The following NAGLU variants were observed in gnomAD, a reference collection of about 807,000 sequenced individuals.
NAGLU encodes the protein N-acetyl-alpha-glucosaminidase, also known as alpha-N-acetylglucosaminidase.
NAGLU carries 34 observed loss-of-function variants against 43.4 expected under a neutral mutation model. The ratio of observed to expected loss-of-function variants is 0.78; its 90% CI spans 0.60 to 1.04. The LOEUF (loss-of-function observed/expected upper bound fraction) is 1.04, where lower values mean the gene tolerates loss of function less well. Ranked by LOEUF, NAGLU falls within the 50% of genes least tolerant of loss-of-function variation. The probability of loss-of-function intolerance (pLI) is 0.00; values close to 1 mark genes in which losing one functional copy is unlikely to be tolerated. For missense variants in NAGLU, 910 were observed against 993.7 expected, an observed-to-expected ratio of 0.92 and a Z score of 1.13; for synonymous variants, 425 against 437.6, an observed-to-expected ratio of 0.97 and a Z score of 0.36.
intron 1 of NAGLU, chr17:42,537,091 G>T (rs954315347): frequency 2.1e-6 from 1 of 468,136 alleles, no homozygotes; most frequent in Non-Finnish European, 3.9e-6. Context: ...GACTGTGGGG[G>T]CAGGGATTCC....
At position 42,536,671 on chromosome 17, in the gene NAGLU, T is replaced by G. The variant is rs1165932919; in HGVS notation, c.383+16T>G. ...CGCCCAACAGGTACCGCCCCGAAGC[T>G]TCCCCGCGTCCGCCCGAGGCGCTTA... On this transcript the variant is annotated intron_variant, in intron 1 of 5. Transcript: ENST00000225927. 6.7e-7 allele frequency: 1 copy of G among 1,483,928 alleles called. No homozygotes were observed. The highest frequency in any genetic ancestry group is 2.2e-5 in the Admixed American group (1 of 45,120). 91.9% of individuals were successfully genotyped at this position (1,483,928 alleles called of 1,614,324 possible).
chr17:42,542,252 C>T (rs1161939793), intron 5 of NAGLU, among the ~76,000 whole-genome samples: 4 of 152,166 alleles, frequency 2.6e-5, no homozygotes, highest in South Asian at 2.1e-4. Flanking sequence ...TTAGTAGAGA[C>T]GGGGTTTCGC....
chr17:42,536,994 T>C, intron 1 of NAGLU: 2 of 445,910 alleles, frequency 4.5e-6, no homozygotes, highest in Non-Finnish European at 8.1e-6. Context: ...GACGCCTCCA[T>C]CCCCCACCCT....
chr17:42,540,924 A>C (rs750524401), intron 4 of NAGLU, 26 bp from the exon 5 acceptor site: 9 of 1,614,060 alleles, frequency 5.6e-6, no homozygotes, highest in Non-Finnish European at 5.9e-6. Context: ...CTTCCATGAA[A>C]TATCTGAGCT....
Position 42,543,677 on chromosome 17 carries a change from C to T in NAGLU, c.1671C>T (p.Arg557=). ...APSLATSPAF[R]YDLLDLTRQA... is the part of the protein sequence containing the mutation. The stretch of plus-strand genomic sequence containing the variant: ...CCCTGGCCACCAGCCCCGCCTTCCG[C>T]TACGACCTGCTGGACCTCACTCGGC... Residue 557 remains arginine, a synonymous_variant, in exon 6 of 6, where the codon CGC becomes CGT. Transcript: ENST00000225927. 1.2e-6 allele frequency: 2 copies of T among 1,613,096 alleles called. No homozygotes were observed. The highest frequency in any genetic ancestry group is 1.7e-6 in the Non-Finnish European group (2 of 1,180,028).
Position 42,536,272 on chromosome 17 carries a change from C to G in NAGLU, c.-1C>G. ...GTCGCGGGACCCGCAGGACTGAGACCATGGAGGCGGTGGCGGTGGCCGCGG... is the reference window on the plus strand; with the variant it reads ...GTCGCGGGACCCGCAGGACTGAGACGATGGAGGCGGTGGCGGTGGCCGCGG... On this transcript the variant is annotated 5_prime_UTR_variant, in exon 1 of 6. Coordinates refer to ENST00000225927, the MANE Select transcript of NAGLU (RefSeq NM_000263.4). The G allele has an allele frequency of 2.5e-6, 3 of 1,218,240 alleles. No individual in the cohort carries two copies. Among genetic ancestry groups the G allele is most frequent in the Non-Finnish European group, 3.1e-6 (3 of 979,168 alleles). The allele number at this position is 1,218,240 out of a possible 1,614,324, so 75.5% of individuals were successfully genotyped here.
At chr17:42,541,334 A>G in intron 5 of NAGLU, 128 bp downstream of exon 5, 1 of 1,356,400 alleles carries the variant, frequency 7.4e-7, no homozygotes, top group South Asian at 1.2e-5. Context: ...TTCATAGTTT[A>G]CCAAGCACGT....
In NAGLU at chr17:42,543,444, G is replaced by A. The variant is rs147293270; in HGVS notation, c.1438G>A (p.Ala480Thr). 1.0e-3 allele frequency: 1,644 copies of A among 1,597,670 alleles called. 3 individuals carry two copies. The highest frequency in any genetic ancestry group is 1.3e-3 in the Non-Finnish European group (1,470 of 1,173,614). Reference sequence around the variant, plus strand: ...GGCAGCCTGGGTGACCAGCTTTGCCGCCCGGCGGTATGGGGTCTCCCACCC... The same window carrying A: ...GGCAGCCTGGGTGACCAGCTTTGCCACCCGGCGGTATGGGGTCTCCCACCC... ...DLAAWVTSFAARRYGVSHPDA... is the reference protein window; with the variant it reads ...DLAAWVTSFATRRYGVSHPDA... The change falls in exon 6 of 6, where the codon GCC becomes ACC. Residue 480 changes from alanine to threonine, a missense_variant. By Grantham distance (58) the Ala-to-Thr change is moderately conservative (BLOSUM62 0). Transcript: ENST00000225927.
In NAGLU at chr17:42,536,532, C is replaced by T. The variant is rs2092906689; in HGVS notation, c.260C>T (p.Ala87Val). 2.2e-6 allele frequency: 3 copies of T among 1,352,886 alleles called. No homozygotes were observed. Among genetic ancestry groups the T allele is most frequent in the Non-Finnish European group, 2.9e-6 (3 of 1,052,124 alleles). 83.8% of individuals were successfully genotyped at this position (1,352,886 alleles called of 1,614,324 possible). A position where few individuals can be genotyped will look rare whatever the true frequency, so the allele number is the denominator to read the frequency against. Residue 87 changes from alanine to valine, a missense_variant, in exon 1 of 6, where the codon GCG (alanine) becomes GTG (valine). Ala to Val is a moderately conservative substitution (Grantham distance 64). Coordinates refer to ENST00000225927, the MANE Select transcript of NAGLU (RefSeq NM_000263.4). ...VRGSTGVAAA[A>V]GLHRYLRDFC... ...GGCTCCACGGGCGTGGCGGCCGCCG[C>T]GGGGCTGCACCGCTACCTGCGCGAC...
intron 5 of NAGLU, among the ~76,000 whole-genome samples, chr17:42,542,173 C>T (rs1286683846): frequency 6.6e-6 from 1 of 151,958 alleles, no homozygotes; most frequent in African/African-American, 2.4e-5. Flanking sequence ...AGCGATTCTC[C>T]TGCCTCAGCC....
intron 4 of NAGLU, among the ~76,000 whole-genome samples, chr17:42,540,399 TAAAAAAA>T (rs748272091): frequency 8.1e-6 from 1 of 123,770 alleles, no homozygotes; most frequent in Non-Finnish European, 1.7e-5. Flanking sequence ...AAAGTATAAT[TAAAAAAA>T]AAAAAAAAAG....
intron 2 of NAGLU, 22 bp from the exon 3 acceptor site, chr17:42,538,317 T>C (rs2092912363): frequency 6.2e-7 from 1 of 1,613,996 alleles, no homozygotes; most frequent in African/African-American, 1.3e-5. Flanking sequence ...TATATTTCTA[T>C]GTGTGGGCCC....
At chr17:42,538,816 C>A in intron 4 of NAGLU, 61 bp downstream of exon 4, 2 of 1,591,970 alleles carry the variant, frequency 1.3e-6, no homozygotes, top group Non-Finnish European at 1.7e-6. Context: ...CCTTCTAGAA[C>A]ATGACTTAAA....
Position 42,536,633 on chromosome 17 carries a change from C to G in NAGLU, c.361C>G (p.Leu121Val). 1.3e-6 allele frequency: 2 copies of G among 1,499,176 alleles called. No individual in the cohort carries two copies. The allele number at this position is 1,499,176 out of a possible 1,614,324, so 92.9% of individuals were successfully genotyped here. A position where few individuals can be genotyped will look rare whatever the true frequency, so the allele number is the denominator to read the frequency against. Reference protein sequence around the residue: ...PRPLPAVPGELTEATPNRYRY... With the variant: ...PRPLPAVPGEVTEATPNRYRY... ...GCCACTGCCAGCCGTGCCGGGGGAG[C>G]TGACCGAGGCCACGCCCAACAGGTA... is the stretch of plus-strand genomic sequence containing the variant. Residue 121 changes from leucine to valine, a missense_variant, in exon 1 of 6, where the codon CTG (leucine) becomes GTG (valine). Physicochemically the swap from Leu to Val is conservative, Grantham distance 32. Transcript: ENST00000225927.
intron 4 of NAGLU, 127 bp from the exon 5 acceptor site, chr17:42,540,823 A>G: frequency 9.6e-6 from 13 of 1,351,728 alleles, no homozygotes; most frequent in Non-Finnish European, 1.4e-5. Flanking sequence ...GGCAGAGAGC[A>G]TAGCCTGTAC....
At position 42,543,447 on chromosome 17, in the gene NAGLU, C is replaced by G. The variant is rs747529593; in HGVS notation, c.1441C>G (p.Arg481Gly). Reference protein sequence around the residue: ...LAAWVTSFAARRYGVSHPDAG... With the variant: ...LAAWVTSFAAGRYGVSHPDAG... ...AGCCTGGGTGACCAGCTTTGCCGCC[C>G]GGCGGTATGGGGTCTCCCACCCGGA... The change falls in exon 6 of 6, where the codon CGG (arginine) becomes GGG (glycine). Residue 481 changes from arginine to glycine, a missense_variant. Coordinates refer to ENST00000225927, the MANE Select transcript of NAGLU (RefSeq NM_000263.4). 7 of 1,598,316 alleles carry G rather than the reference C, an allele frequency of 4.4e-6. No homozygotes were observed.
Position 42,541,002 on chromosome 17 carries a change from T to C in NAGLU, c.817T>C (p.Cys273Arg), listed in dbSNP as rs759511446. 1.2e-6 allele frequency: 2 copies of C among 1,614,220 alleles called. No homozygotes were observed. The highest frequency in any genetic ancestry group is 1.7e-6 in the Non-Finnish European group (2 of 1,180,044). ...TKMGSWGHFN[C>R]SYSCSFLLAP... Reference sequence around the variant, plus strand: ...GATGGGCAGTTGGGGCCACTTTAACTGTTCCTACTCCTGCTCCTTCCTTCT... The same window carrying C: ...GATGGGCAGTTGGGGCCACTTTAACCGTTCCTACTCCTGCTCCTTCCTTCT... The change falls in exon 5 of 6, where the codon TGT becomes CGT. Residue 273 changes from cysteine to arginine, a missense_variant. By Grantham distance (180) the Cys-to-Arg change is radical. Coordinates refer to ENST00000225927, the MANE Select transcript of NAGLU (RefSeq NM_000263.4).
In NAGLU at chr17:42,541,074, C is replaced by T. The variant is rs104894592; in HGVS notation, c.889C>T (p.Arg297Ter). ...CCCCATCATCGGGAGCCTCTTCCTG[C>T]GAGAGCTGATCAAAGAGTTTGGCAC... The part of the protein sequence containing the change: ...IFPIIGSLFL[R>*]ELIKEFGTDH... The change falls in exon 5 of 6, where the codon CGA becomes TGA. Residue 297 changes from arginine to a stop codon, truncating the protein, a stop_gained. Coordinates refer to ENST00000225927, the MANE Select transcript of NAGLU (RefSeq NM_000263.4). LOFTEE classifies it high-confidence loss of function. 1.4e-4 allele frequency: 220 copies of T among 1,614,028 alleles called. No individual in the cohort carries two copies. The highest frequency in any genetic ancestry group is 1.7e-4 in the Non-Finnish European group (203 of 1,180,040).
rs897405222 is a variant in NAGLU at position 42,544,280 on chromosome 17, G to A, written c.*42G>A. ...GGGCCTTGTTTTCCGCTAATTCCAGGGCAGATTCCAGGGCCCAGAGCTGGA... is the reference window on the plus strand; with the variant it reads ...GGGCCTTGTTTTCCGCTAATTCCAGAGCAGATTCCAGGGCCCAGAGCTGGA... On this transcript the variant is annotated 3_prime_UTR_variant, in exon 6 of 6. Transcript: ENST00000225927. 1 of 1,601,774 alleles carries A rather than the reference G, an allele frequency of 6.2e-7. No individual in the cohort carries two copies. Among genetic ancestry groups the A allele is most frequent in the Non-Finnish European group, 8.5e-7 (1 of 1,179,910 alleles).
Sources: gnomAD v4.1 joint callset for allele counts (sites outside exome capture counted in the v4.1 genomes callset) on GRCh38, gnomAD v4.1.1 for gene constraint, MANE v1.5 for transcripts, NCBI Gene and HGNC (gene_info 2026-07-23, HGNC 2026-07-21) for gene names.